Variants in AGBL4 observed in about 807,000 individuals in gnomAD.
AGBL4 encodes AGBL carboxypeptidase 4.
AGBL4 carries 58 observed loss-of-function variants against 66.4 expected under a neutral mutation model. The observed-to-expected ratio is 0.87, with a 90% CI of 0.71 to 1.09. The LOEUF is 1.09. AGBL4 is among the 50% of genes least tolerant of loss of function. The probability of loss-of-function intolerance (pLI) is 0.00; values close to 1 mark genes in which losing one functional copy is unlikely to be tolerated. For missense variants in AGBL4, 579 were observed against 631.0 expected (o/e 0.92, Z 0.88); for synonymous variants, 234 against 222.9 (o/e 1.05, Z -0.44).
intron 5 of AGBL4, among the ~76,000 whole-genome samples, chr1:48,984,871 T>C (rs1485647592): frequency 6.6e-6 from 1 of 151,772 alleles, no homozygotes; most frequent in Non-Finnish European, 1.5e-5. Context: ...TGAGGAAATG[T>C]AGAAATGTGC....
rs777996088 is a variant in AGBL4 at position 48,761,340 on chromosome 1, G to C, written c.635-98099C>G. ...AAGAAAGGAAAGATTTTGTTACCTT[G>C]ATGTGTCTAAGCTGTAAATCTTCTT... On this transcript the variant is annotated intron_variant, in intron 6 of 13. Coordinates refer to ENST00000371839, the MANE Select transcript of AGBL4 (RefSeq NM_032785.4). 283 of 1,548,084 alleles carry C rather than the reference G, an allele frequency of 1.8e-4. No individual in the cohort carries two copies. The highest frequency in any genetic ancestry group is 2.3e-4 in the Non-Finnish European group (264 of 1,145,680).
chr1:49,277,005 G>A (rs970001215), intron 3 of AGBL4, among the ~76,000 whole-genome samples: 1 of 151,758 alleles, frequency 6.6e-6, no homozygotes, highest in African/African-American at 2.4e-5. Flanking sequence ...ACTATTTAAT[G>A]TTTCAGTAAT....
chr1:49,638,239 G>A (rs973023867), intron 3 of AGBL4, among the ~76,000 whole-genome samples: 2 of 151,996 alleles, frequency 1.3e-5, no homozygotes, highest in African/African-American at 2.4e-5. Context: ...TACTGAATTT[G>A]TCCTTTGTTT....
At chr1:49,506,962 C>T (rs1004318663) in intron 3 of AGBL4, among the ~76,000 whole-genome samples, 4 of 151,972 alleles carry the variant, frequency 2.6e-5, no homozygotes, top group African/African-American at 9.7e-5. Flanking sequence ...TTATGTACTC[C>T]TCTCCCTTTG....
chr1:49,194,867 T>C (rs1228741497), intron 4 of AGBL4, among the ~76,000 whole-genome samples: 1 of 151,880 alleles, frequency 6.6e-6, no homozygotes, highest in African/African-American at 2.4e-5. Flanking sequence ...AGTCAGGGTA[T>C]TTCTCTGTCT....
At chr1:48,820,267 T>A (rs1302997006) in intron 6 of AGBL4, among the ~76,000 whole-genome samples, 1 of 152,142 alleles carries the variant, frequency 6.6e-6, no homozygotes, top group Non-Finnish European at 1.5e-5. Flanking sequence ...GAACTGAATA[T>A]CGGGTTCCCC....
intron 4 of AGBL4, among the ~76,000 whole-genome samples, chr1:49,140,044 G>A (rs975266270): frequency 1.1e-4 from 16 of 152,132 alleles, no homozygotes; most frequent in Admixed American, 3.3e-4. Flanking sequence ...ATAGATTAGG[G>A]AATCAAAGTT....
chr1:49,140,580 TA>T (rs1646099190), intron 4 of AGBL4, among the ~76,000 whole-genome samples: 1 of 152,224 alleles, frequency 6.6e-6, no homozygotes, highest in Non-Finnish European at 1.5e-5. Flanking sequence ...TTTTGTCATC[TA>T]AAAATGCTGC....
At chr1:48,860,435 A>G (rs1647370833) in intron 6 of AGBL4, among the ~76,000 whole-genome samples, 3 of 152,226 alleles carry the variant, frequency 2.0e-5, no homozygotes, top group Admixed American at 6.5e-5. Flanking sequence ...ATCTGAATGT[A>G]GAAGAAGACA....
intron 3 of AGBL4, among the ~76,000 whole-genome samples, chr1:49,308,411 T>G (rs1644886553): frequency 6.6e-6 from 1 of 152,018 alleles, no homozygotes; most frequent in Non-Finnish European, 1.5e-5. Context: ...TCACTGTAAG[T>G]CACCAGAGAG....
chr1:49,925,641 G>T (rs1485231114), intron 1 of AGBL4, among the ~76,000 whole-genome samples: 1 of 152,160 alleles, frequency 6.6e-6, no homozygotes, highest in African/African-American at 2.4e-5. Context: ...CCAAAGAGGA[G>T]CCCACTGCAA....
chr1:48,578,072 T>C (rs1644682051), intron 11 of AGBL4, among the ~76,000 whole-genome samples: 2 of 152,156 alleles, frequency 1.3e-5, no homozygotes, highest in Non-Finnish European at 2.9e-5. Flanking sequence ...ATGGAGATAC[T>C]ATCTCAAAGG....
chr1:48,878,579 G>A (rs1219784383), intron 5 of AGBL4, among the ~76,000 whole-genome samples: 1 of 152,062 alleles, frequency 6.6e-6, no homozygotes, highest in African/African-American at 2.4e-5. Context: ...TCAGCACCTT[G>A]TATTACCCTT....
chr1:49,410,270 A>G (rs1645290041), intron 3 of AGBL4, among the ~76,000 whole-genome samples: 2 of 152,144 alleles, frequency 1.3e-5, no homozygotes, highest in Non-Finnish European at 2.9e-5. Flanking sequence ...CCGTATGCAG[A>G]AATCTATTTT....
In AGBL4 at chr1:48,552,066, T is replaced by G. The variant is rs1038267183; in HGVS notation, c.1268-12328A>C. Among the ~76,000 whole-genome samples the G allele has an allele frequency of 7.2e-5, 11 of 152,176 alleles. No homozygotes were observed. In the East Asian group the frequency reaches 1.9e-3, roughly 27 times the overall value. On this transcript the variant is annotated intron_variant, in intron 11 of 13. Coordinates refer to ENST00000371839, the MANE Select transcript of AGBL4 (RefSeq NM_032785.4). Reference sequence around the variant, plus strand: ...TGTTCATTCATTATTTATTTTTCATTCATTCATTTATTTTTGAGATGGAGT... The same window carrying G: ...TGTTCATTCATTATTTATTTTTCATGCATTCATTTATTTTTGAGATGGAGT...
chr1:48,909,661 C>T lies in AGBL4; in HGVS notation c.595-42431G>A, dbSNP rs1051552029. Among the ~76,000 whole-genome samples, 7 of 151,874 alleles carry T rather than the reference C, an allele frequency of 4.6e-5. No individual in the cohort carries two copies. In the East Asian group the frequency reaches 5.8e-4, roughly 13 times the overall value. On this transcript the variant is annotated intron_variant, in intron 5 of 13. Transcript: ENST00000371839. ...TGTGATATATCAGTATCAACTTGCT[C>T]GGGAAAAAAACAGTGAGCACATGAA...
At chr1:49,319,061 T>C (rs571855835) in intron 3 of AGBL4, among the ~76,000 whole-genome samples, 2 of 152,292 alleles carry the variant, frequency 1.3e-5, no homozygotes, top group African/African-American at 4.8e-5. Flanking sequence ...CTAATTATAA[T>C]AGATAATACT....
intron 5 of AGBL4, among the ~76,000 whole-genome samples, chr1:48,982,761 C>T (rs1455917187): frequency 6.6e-6 from 1 of 151,864 alleles, no homozygotes; most frequent in African/African-American, 2.4e-5. Flanking sequence ...ATTCTAGATC[C>T]CTGAGGAATT....
intron 3 of AGBL4, among the ~76,000 whole-genome samples, chr1:49,609,138 C>A (rs779278192): frequency 2.0e-5 from 3 of 152,098 alleles, no homozygotes; most frequent in Non-Finnish European, 4.4e-5. Flanking sequence ...ATTGTAACCA[C>A]AAGGCGATAT....
Sources: allele counts gnomAD v4.1 joint callset (sites outside exome capture counted in the v4.1 genomes callset), GRCh38; gene constraint gnomAD v4.1.1; transcripts MANE v1.5; gene names NCBI Gene and HGNC (gene_info 2026-07-23, HGNC 2026-07-21).